Variants in IFRD1 observed in about 807,000 individuals in gnomAD.
IFRD1 encodes the protein interferon related developmental regulator 1, also known as interferon-related developmental regulator 1.
IFRD1 carries 35 observed loss-of-function variants against 52.9 expected under a neutral mutation model. The observed-to-expected ratio is 0.66, with a 90% CI of 0.51 to 0.88. IFRD1 has a LOEUF of 0.88. Ranked by LOEUF, IFRD1 falls within the 40% of genes least tolerant of loss-of-function variation. The pLI is 0.00. For missense variants in IFRD1, 517 were observed against 550.8 expected, an observed-to-expected ratio of 0.94 and a Z score of 0.61; for synonymous variants, 184 against 188.4, an observed-to-expected ratio of 0.98 and a Z score of 0.19.
At chr7:112,439,789 A>G (rs899527811) in intron 1 of IFRD1, among the ~76,000 whole-genome samples, 1 of 152,124 alleles carries the variant, frequency 6.6e-6, no homozygotes, top group Non-Finnish European at 1.5e-5. Flanking sequence ...AGAGGAATCA[A>G]TTATAAGAGG....
At chr7:112,455,646 A>C in intron 1 of IFRD1, 117 bp from the exon 2 acceptor site, 1 of 714,272 alleles carries the variant, frequency 1.4e-6, no homozygotes, top group Non-Finnish European at 2.5e-6. Flanking sequence ...CTTTTTATAA[A>C]ATGAGTCTGT....
intron 1 of IFRD1, among the ~76,000 whole-genome samples, 199 bp from the exon 2 acceptor site, chr7:112,455,564 G>A (rs1563265728): frequency 6.6e-6 from 1 of 152,050 alleles, no homozygotes; most frequent in Non-Finnish European, 1.5e-5. Flanking sequence ...ATGTATCATT[G>A]GTCCTTTGAA....
intron 1 of IFRD1, among the ~76,000 whole-genome samples, chr7:112,451,716 C>A (rs1401525221): frequency 1.3e-5 from 2 of 152,242 alleles, no homozygotes; most frequent in African/African-American, 2.4e-5. Flanking sequence ...CTAGGAGAGA[C>A]CCCAATAAAC....
chr7:112,467,298 C>G (rs1795634752), intron 8 of IFRD1: 1 of 152,306 alleles, frequency 6.6e-6, no homozygotes, highest in South Asian at 2.1e-4. Context: ...ATAAGTTTGA[C>G]TCATTTTTTA....
At chr7:112,452,015 T>G (rs1795177541) in intron 1 of IFRD1, 1 of 983,518 alleles carries the variant, frequency 1.0e-6, no homozygotes, top group Non-Finnish European at 1.2e-6. Context: ...AGGGAGGGAT[T>G]CTTAAAACAG....
At chr7:112,472,005 G>T (rs1795760971) in intron 9 of IFRD1, among the ~76,000 whole-genome samples, 1 of 152,120 alleles carries the variant, frequency 6.6e-6, no homozygotes, top group Non-Finnish European at 1.5e-5. Context: ...CTGAAACTCA[G>T]TTGTGCCTTC....
chr7:112,459,999 T>C (rs745531642), intron 5 of IFRD1, among the ~76,000 whole-genome samples: 19 of 152,344 alleles, frequency 1.2e-4, no homozygotes, highest in Admixed American at 7.2e-4. Context: ...TTTTCTTCTT[T>C]TTGGGTGAAT....
At chr7:112,435,830 A>G (rs754345136) in intron 1 of IFRD1, among the ~76,000 whole-genome samples, 2 of 151,522 alleles carry the variant, frequency 1.3e-5, no homozygotes, top group Non-Finnish European at 2.9e-5. Flanking sequence ...TAATTTTGAA[A>G]TATTTTATAT....
At chr7:112,441,403 A>G (rs1368573605) in intron 1 of IFRD1, among the ~76,000 whole-genome samples, 2 of 151,696 alleles carry the variant, frequency 1.3e-5, no homozygotes, top group African/African-American at 4.8e-5. Flanking sequence ...TCGCACCACT[A>G]CACTCCAGTC....
At chr7:112,448,827 G>A (rs148204901), upstream of IFRD1, among the ~76,000 whole-genome samples, 4 of 152,176 alleles carry the variant, frequency 2.6e-5, no homozygotes, top group East Asian at 1.9e-4. Context: ...CATCTTGAAC[G>A]GTGGATAAAA....
At chr7:112,461,219 AT>A (rs1795424175) in intron 5 of IFRD1, 2 of 152,158 alleles carry the variant, frequency 1.3e-5, no homozygotes, top group African/African-American at 4.8e-5. Flanking sequence ...ATTTTATGAA[AT>A]TTCTGCTCCT....
chr7:112,451,315 C>G (rs114471637), intron 1 of IFRD1, among the ~76,000 whole-genome samples: 2,319 of 152,312 alleles, frequency 0.015, 61 homozygotes, highest in African/African-American at 0.054. Context: ...GGGAAGCTTT[C>G]CGTCTCGCAG....
At chr7:112,433,363 G>A (rs1794587558) in intron 1 of IFRD1, among the ~76,000 whole-genome samples, 1 of 152,194 alleles carries the variant, frequency 6.6e-6, no homozygotes, top group Non-Finnish European at 1.5e-5. Context: ...TGCTGAATCA[G>A]TTCCTGGGTG....
intron 8 of IFRD1, 142 bp downstream of exon 8, chr7:112,462,520 G>C: frequency 1.4e-6 from 1 of 714,922 alleles, no homozygotes; most frequent in South Asian, 1.5e-5. Context: ...CTTCTTGGCA[G>C]TGGTGGTGTA....
At position 112,450,682 on chromosome 7, in the gene IFRD1, TC is replaced by T. The variant is rs754336866; in HGVS notation, c.-4del. 1 of 1,610,886 alleles carries T rather than the reference TC, an allele frequency of 6.2e-7. No individual in the cohort carries two copies. The highest frequency in any genetic ancestry group is 2.2e-5 in the East Asian group (1 of 44,830). On this transcript the variant is annotated 5_prime_UTR_variant, in exon 1 of 12. Coordinates refer to ENST00000403825, the MANE Select transcript of IFRD1 (RefSeq NM_001550.4). The stretch of plus-strand genomic sequence containing the variant: ...CTCCGACTCTGGGCGGCACCGGGCG[TC>T]CCACGATGCCGAAGAACAAGAAGCG...
intron 1 of IFRD1, among the ~76,000 whole-genome samples, chr7:112,439,326 G>A (rs1168731599): frequency 6.6e-6 from 1 of 152,100 alleles, no homozygotes; most frequent in African/African-American, 2.4e-5. Context: ...GGGATAGTTC[G>A]GGGATTATTT....
At chr7:112,473,060 G>GTGTGTGTA (rs1264186271) in intron 11 of IFRD1, among the ~76,000 whole-genome samples, 199 bp downstream of exon 11, 1 of 34,226 alleles carries the variant, frequency 2.9e-5, no homozygotes, top group East Asian at 3.1e-4. Flanking sequence ...GTGTGTGTGT[G>GTGTGTGTA]TGTGTGTATA....
chr7:112,467,840 C>A, intron 8 of IFRD1, 141 bp from the exon 9 acceptor site: 1 of 799,958 alleles, frequency 1.3e-6, no homozygotes, highest in Non-Finnish European at 2.1e-6. Flanking sequence ...TTATGTGTGC[C>A]TAGTCCCTAA....
In IFRD1 at chr7:112,477,058, T is replaced by C. The variant is rs1208070499; in HGVS notation, c.*1539T>C. On this transcript the variant is annotated 3_prime_UTR_variant, in exon 12 of 12. Coordinates refer to ENST00000403825, the MANE Select transcript of IFRD1 (RefSeq NM_001550.4). ...TAGAATCTAGAACTTGTTTGTATGTTGTCACTTGGTTATGTTCCAAGTAGG... is the reference window on the plus strand; with the variant it reads ...TAGAATCTAGAACTTGTTTGTATGTCGTCACTTGGTTATGTTCCAAGTAGG... 1 of 152,218 alleles carries C rather than the reference T, an allele frequency of 6.6e-6. No homozygotes were observed. The highest frequency in any genetic ancestry group is 1.9e-4 in the East Asian group (1 of 5,192). The allele number at this position is 152,218 out of a possible 1,614,324, so 9.4% of individuals were successfully genotyped here. A position where few individuals can be genotyped will look rare whatever the true frequency, so the allele number is the denominator to read the frequency against.
Sources: allele counts gnomAD v4.1 joint callset (sites outside exome capture counted in the v4.1 genomes callset), GRCh38; gene constraint gnomAD v4.1.1; transcripts MANE v1.5; gene names NCBI Gene and HGNC (gene_info 2026-07-23, HGNC 2026-07-21).